The following CNBD1 variants were observed in gnomAD, a reference collection of about 807,000 sequenced individuals.
CNBD1 encodes the protein cyclic nucleotide-binding domain-containing protein 1.
In CNBD1, 71 loss-of-function variants were observed where a neutral mutation model predicts 54.4. That is an observed-to-expected ratio of 1.30 (90% confidence interval 1.08 to 1.59). CNBD1 has a LOEUF of 1.59. Among genes scored for constraint, CNBD1 ranks in the 40% most tolerant of loss-of-function variants. The pLI is 0.00. For missense variants in CNBD1, 659 were observed against 518.0 expected, an observed-to-expected ratio of 1.27 and a Z score of -2.64; for synonymous variants, 182 against 170.7, an observed-to-expected ratio of 1.07 and a Z score of -0.51.
At chr8:86,992,833 G>C (rs766217709) in intron 4 of CNBD1, among the ~76,000 whole-genome samples, 2 of 151,974 alleles carry the variant, frequency 1.3e-5, no homozygotes, top group African/African-American at 2.4e-5. Flanking sequence ...AGTCTGATTG[G>C]GTCCCCTTCG....
At chr8:87,164,545 T>C (rs1812922418) in intron 4 of CNBD1, among the ~76,000 whole-genome samples, 2 of 151,804 alleles carry the variant, frequency 1.3e-5, no homozygotes, top group South Asian at 2.1e-4. Context: ...TCTAGAAATG[T>C]ATCCATTCTT....
chr8:87,374,593 G>A (rs2878869), intron 10 of CNBD1, among the ~76,000 whole-genome samples: 8,688 of 151,742 alleles, frequency 0.057, 809 homozygotes, highest in African/African-American at 0.2. Flanking sequence ...ATTAGTACTG[G>A]GGCACGTTAA....
chr8:87,240,400 T>A (rs1807670293), intron 6 of CNBD1, among the ~76,000 whole-genome samples: 1 of 152,128 alleles, frequency 6.6e-6, no homozygotes, highest in Non-Finnish European at 1.5e-5. Flanking sequence ...AATAGTAATT[T>A]TTTTTTACAC....
intron 4 of CNBD1, among the ~76,000 whole-genome samples, chr8:87,164,335 A>T (rs1049843600): frequency 4.6e-5 from 7 of 151,836 alleles, no homozygotes; most frequent in African/African-American, 1.7e-4. Flanking sequence ...TGTCTCTTCA[A>T]TTGTTTGAAA....
At chr8:87,297,947 C>CTAGAATT (rs1808911327) in intron 8 of CNBD1, among the ~76,000 whole-genome samples, 1 of 151,216 alleles carries the variant, frequency 6.6e-6, no homozygotes, top group African/African-American at 2.4e-5. Flanking sequence ...TATATATTCT[C>CTAGAATT]CCTACATATT....
intron 4 of CNBD1, among the ~76,000 whole-genome samples, chr8:87,167,507 G>A (rs1489996654): frequency 1.6e-4 from 25 of 151,612 alleles, no homozygotes; most frequent in Admixed American, 1.3e-3. Context: ...ACCCAGGCTC[G>A]AGTGCACCAA....
chr8:87,134,704 A>C (rs1812191313), intron 4 of CNBD1, among the ~76,000 whole-genome samples: 1 of 142,600 alleles, frequency 7.0e-6, no homozygotes, highest in South Asian at 2.2e-4. Flanking sequence ...CTGGGTTCAC[A>C]CCATTTTCCT....
At chr8:87,097,582 T>C (rs914790446) in intron 4 of CNBD1, among the ~76,000 whole-genome samples, 2 of 152,252 alleles carry the variant, frequency 1.3e-5, no homozygotes, top group East Asian at 3.8e-4. Flanking sequence ...ATGTATGTCT[T>C]GTAGGGAAGA....
In CNBD1 at chr8:87,018,801, G is replaced by C. The variant is rs1037883687; in HGVS notation, c.431+79047G>C. Among the ~76,000 whole-genome samples the C allele has an allele frequency of 5.3e-5, 8 of 152,198 alleles. No homozygotes were observed. The South Asian group carries it at 1.7e-3, about 32-fold the overall frequency. On this transcript the variant is annotated intron_variant, in intron 4 of 10. Coordinates refer to ENST00000518476, the MANE Select transcript of CNBD1 (RefSeq NM_173538.3). ...CCAGGGACTATTGCAGAAGAGGTAG[G>C]CACGTAAGATTGTAAGGGCCAGTTT... is the stretch of plus-strand genomic sequence containing the variant.
At chr8:87,303,962 T>G (rs79775402) in intron 8 of CNBD1, among the ~76,000 whole-genome samples, 57,953 of 151,262 alleles carry the variant, frequency 0.38, 11,301 homozygotes, top group Middle Eastern at 0.44. Context: ...AGTTAGAATG[T>G]CGATCATTAA....
chr8:87,145,883 A>C (rs185753665), intron 4 of CNBD1, among the ~76,000 whole-genome samples: 323 of 152,236 alleles, frequency 2.1e-3, no homozygotes, highest in Non-Finnish European at 2.5e-3. Flanking sequence ...GTTCAACAGA[A>C]GTTAACAGTC....
chr8:87,021,145 C>CA (rs1253426594), intron 4 of CNBD1, among the ~76,000 whole-genome samples: 2 of 152,210 alleles, frequency 1.3e-5, no homozygotes, highest in African/African-American at 4.8e-5. Flanking sequence ...AGCTGTAACC[C>CA]AATCACCTTG....
At chr8:87,367,262 C>T (rs987604613) in intron 10 of CNBD1, among the ~76,000 whole-genome samples, 1 of 152,040 alleles carries the variant, frequency 6.6e-6, no homozygotes, top group Non-Finnish European at 1.5e-5. Context: ...TTTTCTCTTA[C>T]CTTCACAGGT....
chr8:87,139,234 A>G (rs754776312), intron 4 of CNBD1, among the ~76,000 whole-genome samples: 4 of 152,234 alleles, frequency 2.6e-5, no homozygotes, highest in Non-Finnish European at 4.4e-5. Flanking sequence ...TTCAAAGTAA[A>G]ACAGAAAAAG....
At chr8:87,322,913 T>A (rs1436206640) in intron 8 of CNBD1, among the ~76,000 whole-genome samples, 1 of 114,544 alleles carries the variant, frequency 8.7e-6, no homozygotes, top group Non-Finnish European at 1.9e-5. Context: ...GCCTAGGTTT[T>A]CTTCTAGGGT....
At chr8:87,327,461 G>T (rs190212321) in intron 8 of CNBD1, among the ~76,000 whole-genome samples, 5 of 152,190 alleles carry the variant, frequency 3.3e-5, no homozygotes, top group East Asian at 1.9e-4. Flanking sequence ...GCGAGATTCC[G>T]TGGGCGTAGG....
At chr8:87,371,429 G>A (rs1810792542) in intron 10 of CNBD1, among the ~76,000 whole-genome samples, 1 of 151,920 alleles carries the variant, frequency 6.6e-6, no homozygotes, top group Admixed American at 6.6e-5. Context: ...AATTCTCCTT[G>A]AAGAGGTCCT....
At chr8:86,933,530 A>T (rs1368641899) in intron 3 of CNBD1, among the ~76,000 whole-genome samples, 1 of 152,192 alleles carries the variant, frequency 6.6e-6, no homozygotes, top group African/African-American at 2.4e-5. Flanking sequence ...ATAAAAAACT[A>T]AAATGGTCTT....
At position 87,394,525 on chromosome 8, in the gene CNBD1, A is replaced by C. The variant is rs138934335; in HGVS notation, c.214-34021A>C. On this transcript the variant is annotated intron_variant, in intron 2 of 7. Coordinates refer to the CNBD1 transcript ENST00000521593. Reference sequence around the variant, plus strand: ...CACAACCCTGCCCCCACATAAAAGAATAAGTGGTGAGAAAGGTTAGCACAA... The same window carrying C: ...CACAACCCTGCCCCCACATAAAAGACTAAGTGGTGAGAAAGGTTAGCACAA... 3.6e-3 allele frequency among the ~76,000 whole-genome samples: 544 copies of C among 152,042 alleles called. 3 individuals carry two copies. The highest frequency in any genetic ancestry group is 0.013 in the African/African-American group (520 of 41,536).
Sources: gnomAD v4.1 joint callset for allele counts (sites outside exome capture counted in the v4.1 genomes callset) on GRCh38, gnomAD v4.1.1 for gene constraint, MANE v1.5 for transcripts, NCBI Gene and HGNC (gene_info 2026-07-23, HGNC 2026-07-21) for gene names.